The following SHISA9 variants were observed in gnomAD, a reference collection of about 807,000 sequenced individuals.
SHISA9 encodes shisa family member 9.
Under a neutral mutation model 38.0 loss-of-function variants are expected in SHISA9, and 13 were observed. The observed-to-expected ratio is 0.34, with a 90% CI of 0.22 to 0.54. The LOEUF is 0.54. Ranked by LOEUF, SHISA9 falls within the 20% of genes least tolerant of loss-of-function variation. The pLI is 0.91. For synonymous variants in SHISA9, 275 were observed against 242.0 expected (o/e 1.14, Z -1.27); for missense variants, 538 against 575.8 (o/e 0.93, Z 0.67).
At chr16:13,064,784 C>CAA (rs72435637) in intron 2 of SHISA9, among the ~76,000 whole-genome samples, 27 of 82,366 alleles carry the variant, frequency 3.3e-4, no homozygotes, top group East Asian at 7.3e-4. Flanking sequence ...AGTTGTAAGG[C>CAA]AAAAAAAAAA....
intron 2 of SHISA9, among the ~76,000 whole-genome samples, chr16:13,037,103 C>G (rs55798032): frequency 0.24 from 13,633 of 57,312 alleles, 748 homozygotes; most frequent in Middle Eastern, 0.32. Flanking sequence ...CACACACACA[C>G]ACACAGACAC....
intron 2 of SHISA9, among the ~76,000 whole-genome samples, chr16:12,927,861 G>A (rs2071412880): frequency 6.6e-6 from 1 of 152,114 alleles, no homozygotes. Context: ...ACATTTTGGA[G>A]GTGGAGGGAG....
intron 2 of SHISA9, among the ~76,000 whole-genome samples, chr16:12,995,550 A>T (rs377288425): frequency 2.4e-4 from 37 of 152,260 alleles, no homozygotes; most frequent in African/African-American, 8.7e-4. Flanking sequence ...TTAAACGCAA[A>T]TGAGGGTGTC....
chr16:13,398,348 T>C, the SHISA9 span, among the ~76,000 whole-genome samples: 1 of 152,174 alleles, frequency 6.6e-6, no homozygotes, highest in African/African-American at 2.4e-5. Flanking sequence ...TTTAAGTTTT[T>C]GGGGAGCCAA....
At chr16:13,193,266 T>G (rs1279973293) in intron 2 of SHISA9, among the ~76,000 whole-genome samples, 1 of 152,202 alleles carries the variant, frequency 6.6e-6, no homozygotes, top group African/African-American at 2.4e-5. Flanking sequence ...GAGCTTTGGT[T>G]TCCTTGTTTG....
chr16:13,029,469 G>C (rs535148398), intron 2 of SHISA9, among the ~76,000 whole-genome samples: 1 of 152,196 alleles, frequency 6.6e-6, no homozygotes, highest in Non-Finnish European at 1.5e-5. Context: ...TTAACTGGAC[G>C]TGGTGGCACA....
chr16:13,134,380 T>C (rs2050330104), intron 2 of SHISA9, among the ~76,000 whole-genome samples: 1 of 152,324 alleles, frequency 6.6e-6, no homozygotes, highest in Non-Finnish European at 1.5e-5. Flanking sequence ...GAGCCTCTCT[T>C]GAGTGCCTGA....
chr16:13,535,805 T>A, the SHISA9 span, among the ~76,000 whole-genome samples: 64,507 of 151,884 alleles, frequency 0.42, 14,185 homozygotes, highest in East Asian at 0.63. Flanking sequence ...CTTAATCAAA[T>A]AGCTCTAATT....
rs1304966222 is a variant in SHISA9 at position 13,238,562 on chromosome 16, C to T, written c.*3153C>T. The T allele has an allele frequency of 1.3e-5, 2 of 152,124 alleles. No homozygotes were observed. The highest frequency in any genetic ancestry group is 1.3e-4 in the Admixed American group (2 of 15,272). The allele number at this position is 152,124 out of a possible 1,614,324, so 9.4% of individuals were successfully genotyped here. On this transcript the variant is annotated 3_prime_UTR_variant, in exon 5 of 5. Coordinates refer to ENST00000558583, the MANE Select transcript of SHISA9 (RefSeq NM_001145204.3). ...TCCTTCTCCTCTGAATAAACTTCAT[C>T]AATTGAACTGGGCTCCTTGGGGTCT...
chr16:13,184,707 G>T (rs979350537), intron 2 of SHISA9, among the ~76,000 whole-genome samples: 20 of 152,178 alleles, frequency 1.3e-4, no homozygotes, highest in Admixed American at 2.0e-4. Context: ...AATTGAATCA[G>T]ACAGTATCTG....
At position 13,203,684 on chromosome 16, in the gene SHISA9, T is replaced by C. The variant is rs2051029619; in HGVS notation, c.847+135T>C. On this transcript the variant is annotated intron_variant, in intron 3 of 4. Coordinates refer to ENST00000558583, the MANE Select transcript of SHISA9 (RefSeq NM_001145204.3). The stretch of plus-strand genomic sequence containing the variant: ...CTCTTTTTTTCTCTTTCTGCTTTTC[T>C]CTGCCTCTATCTCATTTTTGTTCTC... 5.4e-6 allele frequency: 5 copies of C among 921,802 alleles called. 1 individual carries two copies. Among genetic ancestry groups the C allele is most frequent in the Middle Eastern group, 2.5e-4 (1 of 4,050 alleles). 57.1% of individuals were successfully genotyped at this position (921,802 alleles called of 1,614,324 possible). A position where few individuals can be genotyped will look rare whatever the true frequency, so the allele number is the denominator to read the frequency against.
chr16:13,284,331 A>C, the SHISA9 span, among the ~76,000 whole-genome samples: 14 of 152,194 alleles, frequency 9.2e-5, no homozygotes, highest in East Asian at 2.3e-3. Context: ...ATAGTTATTC[A>C]CAGTGGGAAG....
the SHISA9 span, among the ~76,000 whole-genome samples, chr16:13,535,518 C>T: frequency 2.0e-5 from 3 of 152,202 alleles, no homozygotes; most frequent in Non-Finnish European, 1.5e-5. Flanking sequence ...GGAAAACAGT[C>T]ACACTCGTTC....
chr16:12,960,314 G>A (rs2071892308), intron 2 of SHISA9, among the ~76,000 whole-genome samples: 1 of 151,980 alleles, frequency 6.6e-6, no homozygotes, highest in South Asian at 2.1e-4. Flanking sequence ...AAGTTCCAGG[G>A]TACATGTGCA....
chr16:13,494,635 T>C, the SHISA9 span, among the ~76,000 whole-genome samples: 4 of 152,176 alleles, frequency 2.6e-5, no homozygotes, highest in East Asian at 3.9e-4. Flanking sequence ...CATGAACTTA[T>C]AGGGGAATGG....
At chr16:13,081,191 C>A (rs999459887) in intron 2 of SHISA9, among the ~76,000 whole-genome samples, 5 of 152,094 alleles carry the variant, frequency 3.3e-5, no homozygotes, top group Non-Finnish European at 7.3e-5. Flanking sequence ...TTTGCTGTAC[C>A]TAGGGATGGA....
At chr16:13,506,378 CAAT>C in the SHISA9 span, among the ~76,000 whole-genome samples, 4 of 151,944 alleles carry the variant, frequency 2.6e-5, no homozygotes, top group African/African-American at 9.7e-5. Context: ...AGGACAACAA[CAAT>C]AAGGATGATA....
At chr16:13,291,107 T>G in the SHISA9 span, among the ~76,000 whole-genome samples, 1 of 152,138 alleles carries the variant, frequency 6.6e-6, no homozygotes, top group East Asian at 1.9e-4. Context: ...GTGGGGTACT[T>G]TGCTTATTTC....
At chr16:13,028,111 C>T (rs1341355344) in intron 2 of SHISA9, among the ~76,000 whole-genome samples, 1 of 151,722 alleles carries the variant, frequency 6.6e-6, no homozygotes, top group Non-Finnish European at 1.5e-5. Context: ...GTAATGAAAA[C>T]CTTCTATCTC....
Sources: gnomAD v4.1 joint callset for allele counts (sites outside exome capture counted in the v4.1 genomes callset) on GRCh38, gnomAD v4.1.1 for gene constraint, MANE v1.5 for transcripts, NCBI Gene and HGNC (gene_info 2026-07-23, HGNC 2026-07-21) for gene names.